CAB39L: variants seen among roughly 807,000 people sequenced by gnomAD.
The protein encoded by CAB39L is calcium-binding protein 39-like.
CAB39L carries 23 observed loss-of-function variants against 39.1 expected under a neutral mutation model. The observed-to-expected ratio is 0.59, with a 90% confidence interval of 0.42 to 0.83. CAB39L has a LOEUF of 0.83. Among genes scored for constraint, CAB39L ranks in the 40% least tolerant of loss-of-function variants. CAB39L has a pLI of 0.00. For missense variants in CAB39L, 366 were observed against 391.9 expected, an observed-to-expected ratio of 0.93 and a Z score of 0.56; for synonymous variants, 126 against 137.2, an observed-to-expected ratio of 0.92 and a Z score of 0.57.
intron 10 of CAB39L, among the ~76,000 whole-genome samples, chr13:49,324,535 G>C (rs1593910162): frequency 6.6e-6 from 1 of 152,156 alleles, no homozygotes. Flanking sequence ...GAGGCACTTT[G>C]CCATTTCGAA....
intron 6 of CAB39L, among the ~76,000 whole-genome samples, chr13:49,356,431 G>A (rs976454787): frequency 5.3e-5 from 8 of 152,130 alleles, no homozygotes; most frequent in African/African-American, 1.9e-4. Flanking sequence ...TCATTTGCCT[G>A]AGCCAGAAGA....
chr13:49,310,488 G>A lies in CAB39L; in HGVS notation c.*326C>T. On this transcript the variant is annotated 3_prime_UTR_variant, in exon 11 of 11. Coordinates refer to ENST00000409308, the MANE Select transcript of CAB39L (RefSeq NM_001079670.3). Reference sequence around the variant, plus strand: ...CCCTGAGAACTCAGTCCTCCTTGAAGACTTGGTGATGCCTGTCAATTGAGC... The same window carrying A: ...CCCTGAGAACTCAGTCCTCCTTGAAAACTTGGTGATGCCTGTCAATTGAGC... 2 of 214,772 alleles carry A rather than the reference G, an allele frequency of 9.3e-6. No individual in the cohort carries two copies. Among genetic ancestry groups the A allele is most frequent in the Non-Finnish European group, 1.9e-5 (2 of 106,968 alleles). 13.3% of individuals were successfully genotyped at this position (214,772 alleles called of 1,614,324 possible).
At chr13:49,314,045 G>A (rs897599277) in intron 10 of CAB39L, among the ~76,000 whole-genome samples, 2 of 152,142 alleles carry the variant, frequency 1.3e-5, no homozygotes, top group Non-Finnish European at 2.9e-5. Flanking sequence ...TGGTGTGGGC[G>A]GCATGAGAGC....
At chr13:49,344,549 T>TCTCA (rs1306051108) in intron 7 of CAB39L, among the ~76,000 whole-genome samples, 1 of 138,302 alleles carries the variant, frequency 7.2e-6, no homozygotes, top group East Asian at 2.1e-4. Flanking sequence ...TGAGATGGAG[T>TCTCA]CTCACTATGT....
intron 3 of CAB39L, among the ~76,000 whole-genome samples, chr13:49,402,755 G>A (rs1684949537): frequency 6.6e-6 from 1 of 152,014 alleles, no homozygotes; most frequent in Non-Finnish European, 1.5e-5. Flanking sequence ...TTTATTTAAA[G>A]TAGAATTAAA....
chr13:49,361,033 C>T (rs780726014), intron 5 of CAB39L, among the ~76,000 whole-genome samples: 4 of 152,132 alleles, frequency 2.6e-5, no homozygotes, highest in Non-Finnish European at 5.9e-5. Context: ...TGGCCTTCAT[C>T]TCTCAACTAA....
At chr13:49,420,072 G>A (rs1957148855) in intron 3 of CAB39L, among the ~76,000 whole-genome samples, 1 of 152,156 alleles carries the variant, frequency 6.6e-6, no homozygotes, top group African/African-American at 2.4e-5. Flanking sequence ...CTTTAGATTA[G>A]AGGATGACAA....
Position 49,315,229 on chromosome 13 carries a change from C to A in CAB39L, c.835-4236G>T, listed in dbSNP as rs543134204. ...CAGAACCCTCTCTGGGAACACTGCA[C>A]GTCCCTGTGGTCACGAGTGGCTCAT... is the stretch of plus-strand genomic sequence containing the variant. On this transcript the variant is annotated intron_variant, in intron 10 of 10. Coordinates refer to ENST00000409308, the MANE Select transcript of CAB39L (RefSeq NM_001079670.3). Among the ~76,000 whole-genome samples the A allele has an allele frequency of 5.9e-5, 9 of 152,324 alleles. No homozygotes were observed. The East Asian group carries it at 1.7e-3, about 29-fold the overall frequency.
At chr13:49,392,081 A>T (rs1468013203) in intron 3 of CAB39L, among the ~76,000 whole-genome samples, 1 of 152,060 alleles carries the variant, frequency 6.6e-6, no homozygotes. Context: ...CATGAATATA[A>T]GAAATGCAGA....
chr13:49,314,869 T>C (rs1355341119), intron 10 of CAB39L, among the ~76,000 whole-genome samples: 1 of 152,226 alleles, frequency 6.6e-6, no homozygotes, highest in Admixed American at 6.5e-5. Flanking sequence ...TTCTACTCCA[T>C]GCATTCAAAT....
intron 3 of CAB39L, among the ~76,000 whole-genome samples, chr13:49,432,776 A>C (rs186707330): frequency 1.2e-3 from 177 of 152,312 alleles, no homozygotes; most frequent in Non-Finnish European, 1.8e-3. Flanking sequence ...AAGGCCCCAA[A>C]TTCAAGTGAA....
chr13:49,442,406 T>A (rs1256130948), intron 1 of CAB39L, among the ~76,000 whole-genome samples: 2 of 152,230 alleles, frequency 1.3e-5, no homozygotes, highest in African/African-American at 4.8e-5. Flanking sequence ...TCAAAAGGTA[T>A]ATGAACTTTT....
At chr13:49,345,311 A>G (rs1955116242) in intron 7 of CAB39L, among the ~76,000 whole-genome samples, 1 of 152,242 alleles carries the variant, frequency 6.6e-6, no homozygotes, top group African/African-American at 2.4e-5. Context: ...TAAAAAGTAA[A>G]ATATTTAAAG....
At position 49,337,791 on chromosome 13, in the gene CAB39L, C is replaced by T. The variant is rs1406239217; in HGVS notation, c.690+1886G>A. ...ACACACACACGCCTATCTCCCAAGT[C>T]GCCGCTTTCTGTCTCCTTTCCCTAC... On this transcript the variant is annotated intron_variant, in intron 9 of 10. Coordinates refer to ENST00000409308, the MANE Select transcript of CAB39L (RefSeq NM_001079670.3). 2.6e-5 allele frequency among the ~76,000 whole-genome samples: 4 copies of T among 151,092 alleles called. 1 individual carries two copies. Among genetic ancestry groups the T allele is most frequent in the African/African-American group, 4.9e-5 (2 of 41,026 alleles).
chr13:49,429,701 C>T (rs983926231), intron 3 of CAB39L, among the ~76,000 whole-genome samples: 12 of 152,144 alleles, frequency 7.9e-5, no homozygotes. Flanking sequence ...CAAAACCTCA[C>T]CATCCCCAAG....
intron 5 of CAB39L, 107 bp downstream of exon 5, chr13:49,376,860 G>T (rs1956074125): frequency 9.0e-6 from 7 of 781,926 alleles, no homozygotes; most frequent in Non-Finnish European, 1.1e-5. Flanking sequence ...ATAACACATG[G>T]AAAGCCATAA....
intron 3 of CAB39L, among the ~76,000 whole-genome samples, chr13:49,432,024 A>G (rs1317368049): frequency 6.6e-6 from 1 of 152,238 alleles, no homozygotes; most frequent in Non-Finnish European, 1.5e-5. Context: ...GAGTAAAAGC[A>G]GAACAAAAAA....
At chr13:49,334,808 A>G (rs1239654147) in intron 9 of CAB39L, among the ~76,000 whole-genome samples, 1 of 152,196 alleles carries the variant, frequency 6.6e-6, no homozygotes, top group Non-Finnish European at 1.5e-5. Flanking sequence ...AAGAAGCTAC[A>G]ATCCATTACA....
rs542987421 is a variant in CAB39L at position 49,369,608 on chromosome 13, G to A, written c.276+7359C>T. On this transcript the variant is annotated intron_variant, in intron 5 of 10. Transcript: ENST00000409308. Reference sequence around the variant, plus strand: ...AAAGGAGATTTTTTTTTTTTTTTGAGACAAAGTCTTGCTCTGTCACCCAGG... The same window carrying A: ...AAAGGAGATTTTTTTTTTTTTTTGAAACAAAGTCTTGCTCTGTCACCCAGG... Among the ~76,000 whole-genome samples, 3 of 146,396 alleles carry A rather than the reference G, an allele frequency of 2.0e-5. No individual in the cohort carries two copies. In the East Asian group the frequency reaches 5.8e-4, roughly 29 times the overall value.
Sources: allele counts gnomAD v4.1 joint callset (sites outside exome capture counted in the v4.1 genomes callset), GRCh38; gene constraint gnomAD v4.1.1; transcripts MANE v1.5; gene names NCBI Gene and HGNC (gene_info 2026-07-23, HGNC 2026-07-21).